Variants in MMP26 observed in about 807,000 individuals in gnomAD.
The protein encoded by MMP26 is matrix metalloproteinase-26.
Under a neutral mutation model 31.0 loss-of-function variants are expected in MMP26, and 33 were observed. That is an observed-to-expected ratio of 1.06 (90% confidence interval 0.81 to 1.42). The LOEUF (loss-of-function observed/expected upper bound fraction) is 1.42, where lower values mean the gene tolerates loss of function less well. MMP26 is among the 40% of genes most tolerant of loss of function. The pLI is 0.00. For synonymous variants in MMP26, 122 were observed against 114.9 expected (o/e 1.06, Z -0.40); for missense variants, 347 against 316.1 (o/e 1.10, Z -0.74).
chr11:4,755,188 A>C (rs1273185883), intron 1 of MMP26, among the ~76,000 whole-genome samples: 1 of 151,254 alleles, frequency 6.6e-6, no homozygotes, highest in African/African-American at 2.4e-5. Flanking sequence ...GCACTATCTG[A>C]AAGAGTCTTT....
chr11:4,919,786 G>A (rs544801882), intron 2 of MMP26, among the ~76,000 whole-genome samples: 1 of 152,210 alleles, frequency 6.6e-6, no homozygotes, highest in African/African-American at 2.4e-5. Flanking sequence ...AGGAAGTCAG[G>A]CTAGGTTCTT....
intron 2 of MMP26, chr11:4,804,125 C>A: frequency 6.2e-7 from 1 of 1,614,062 alleles, no homozygotes; most frequent in Non-Finnish European, 8.5e-7. Context: ...CAGAATATGG[C>A]CAACATCTTA....
At chr11:4,724,177 G>C in intron 1 of MMP26, 2 of 543,312 alleles carry the variant, frequency 3.7e-6, no homozygotes, top group Non-Finnish European at 6.6e-6. Flanking sequence ...GGACATGGTA[G>C]AGGCAGGAGT....
At chr11:4,887,481 A>T (rs913849965) in intron 2 of MMP26, among the ~76,000 whole-genome samples, 2 of 152,278 alleles carry the variant, frequency 1.3e-5, no homozygotes, top group Middle Eastern at 3.4e-3. Flanking sequence ...GAGAAAAACT[A>T]AAAACTTTGT....
chr11:4,721,909 C>G (rs1848018174), intron 1 of MMP26, among the ~76,000 whole-genome samples: 1 of 152,206 alleles, frequency 6.6e-6, no homozygotes. Context: ...TGGTTTCTCA[C>G]TATCACCAGT....
chr11:4,989,917 A>G (rs777691642), intron 4 of MMP26, 49 bp downstream of exon 4: 18 of 1,478,490 alleles, frequency 1.2e-5, no homozygotes, highest in Non-Finnish European at 1.7e-5. Flanking sequence ...GATGACCTCA[A>G]AGGGCTTTCT....
At chr11:4,881,832 TG>T in intron 2 of MMP26, 1 of 1,316,746 alleles carries the variant, frequency 7.6e-7, no homozygotes, top group Non-Finnish European at 1.1e-6. Context: ...ACTAATAAAA[TG>T]TATGCTATAT....
At position 4,990,629 on chromosome 11, in the gene MMP26, T is replaced by A; in HGVS notation, c.352T>A (p.Ser118Thr). The A allele has an allele frequency of 6.2e-7, 1 of 1,613,684 alleles. No individual in the cohort carries two copies. Among genetic ancestry groups the A allele is most frequent in the Non-Finnish European group, 8.5e-7 (1 of 1,179,714 alleles). ...IINYPHDMKP[S>T]AVKDSIYNAV... The stretch of plus-strand genomic sequence containing the variant: ...CAATTACCCACATGATATGAAGCCA[T>A]CCGCAGTGAAAGACAGTATATATAA... The change falls in exon 5 of 8, where the codon TCC becomes ACC. Residue 118 changes from serine to threonine, a missense_variant. By Grantham distance (58) the Ser-to-Thr change is moderately conservative. Transcript: ENST00000380390.
intron 2 of MMP26, among the ~76,000 whole-genome samples, chr11:4,926,458 T>C (rs760712975): frequency 2.4e-4 from 37 of 152,244 alleles, no homozygotes; most frequent in Non-Finnish European, 4.9e-4. Context: ...AGAGAAAATT[T>C]TCCATCAATA....
chr11:4,790,607 C>T (rs977402359), intron 2 of MMP26, among the ~76,000 whole-genome samples: 5 of 152,136 alleles, frequency 3.3e-5, no homozygotes, highest in Non-Finnish European at 7.3e-5. Context: ...TTCTCTTCTC[C>T]AGAATGAGGG....
At chr11:4,763,131 G>C (rs6578526) in intron 1 of MMP26, among the ~76,000 whole-genome samples, 30,277 of 152,090 alleles carry the variant, frequency 0.2, 4,040 homozygotes, top group African/African-American at 0.38. Context: ...AATGTGCCTT[G>C]AGAGAGATTC....
In MMP26 at chr11:4,923,699, A is replaced by C. The variant is rs574492618; in HGVS notation, c.-144-64369A>C. ...GAGGGCGTATGAGAGAAAGATGAGC[A>C]GGGAGTCCACACCCACGGTGCAGGC... is the stretch of plus-strand genomic sequence containing the variant. On this transcript the variant is annotated intron_variant, in intron 2 of 7. Coordinates refer to ENST00000380390, the MANE Select transcript of MMP26 (RefSeq NM_021801.5). 5 of 1,614,092 alleles carry C rather than the reference A, an allele frequency of 3.1e-6. 1 individual carries two copies. In the South Asian group the frequency reaches 5.5e-5, roughly 18 times the overall value.
intron 2 of MMP26, among the ~76,000 whole-genome samples, chr11:4,843,048 G>C (rs553474652): frequency 6.6e-6 from 1 of 152,302 alleles, no homozygotes; most frequent in East Asian, 1.9e-4. Context: ...AGGGCATGCT[G>C]ATGCAAGGCG....
chr11:4,864,370 C>G (rs1326824152), intron 2 of MMP26, among the ~76,000 whole-genome samples: 1 of 152,076 alleles, frequency 6.6e-6, no homozygotes, highest in Non-Finnish European at 1.5e-5. Context: ...GTTCACAGAC[C>G]CTTTCTATCA....
intron 2 of MMP26, among the ~76,000 whole-genome samples, chr11:4,806,400 G>A (rs1347420971): frequency 1.3e-5 from 2 of 152,048 alleles, no homozygotes; most frequent in Non-Finnish European, 2.9e-5. Context: ...ATGAATCTGG[G>A]TGCTCCTGTA....
chr11:4,825,889 G>C (rs956681077), intron 2 of MMP26, among the ~76,000 whole-genome samples: 1 of 151,996 alleles, frequency 6.6e-6, no homozygotes. Context: ...CGTTAATCAG[G>C]GTTCAATCAA....
chr11:4,992,266 A>G lies in MMP26; in HGVS notation c.*24A>G, dbSNP rs1267674112. 2.5e-6 allele frequency: 4 copies of G among 1,605,252 alleles called. No individual in the cohort carries two copies. The highest frequency in any genetic ancestry group is 1.3e-5 in the African/African-American group (1 of 74,618). ...AATGTTAGCACAGAGGACTTATTCA[A>G]CCTGTCCTTTCAGGGAGTTTATTGG... On this transcript the variant is annotated 3_prime_UTR_variant, in exon 8 of 8. Coordinates refer to ENST00000380390, the MANE Select transcript of MMP26 (RefSeq NM_021801.5).
chr11:4,724,527 T>C (rs1278014737), intron 1 of MMP26, among the ~76,000 whole-genome samples: 1 of 152,220 alleles, frequency 6.6e-6, no homozygotes, highest in Non-Finnish European at 1.5e-5. Flanking sequence ...CAATTTACTA[T>C]TTCCCTTGTG....
chr11:4,868,988 A>G lies in MMP26; in HGVS notation c.-145+101647A>G, dbSNP rs1422167717. 3.9e-5 allele frequency among the ~76,000 whole-genome samples: 6 copies of G among 152,340 alleles called. No homozygotes were observed. In the South Asian group the frequency reaches 6.2e-4, roughly 16 times the overall value. ...GGGGAAAGGATTCCCTATTTAATAA[A>G]TGGAGCTGGGAAAACTGGCTAGCCA... On this transcript the variant is annotated intron_variant, in intron 2 of 7. Transcript: ENST00000380390.
Sources: gnomAD v4.1 joint callset for allele counts (sites outside exome capture counted in the v4.1 genomes callset) on GRCh38, gnomAD v4.1.1 for gene constraint, MANE v1.5 for transcripts, NCBI Gene and HGNC (gene_info 2026-07-23, HGNC 2026-07-21) for gene names.